The following PARP2 variants were observed in gnomAD, a reference collection of about 807,000 sequenced individuals.
The protein encoded by PARP2 is poly [ADP-ribose] polymerase 2.
PARP2 carries 57 observed loss-of-function variants against 77.8 expected under a neutral mutation model. The observed-to-expected ratio is 0.73, with a 90% CI of 0.59 to 0.91. The LOEUF (loss-of-function observed/expected upper bound fraction) is 0.91, where lower values mean the gene tolerates loss of function less well. Ranked by LOEUF, PARP2 falls within the 40% of genes least tolerant of loss-of-function variation. PARP2 has a pLI of 0.00. For missense variants in PARP2, 651 were observed against 689.0 expected (o/e 0.94, Z 0.62); for synonymous variants, 226 against 242.6 (o/e 0.93, Z 0.64).
chr14:20,346,372 G>A (rs368464741), intron 3 of PARP2, among the ~76,000 whole-genome samples: 1 of 135,508 alleles, frequency 7.4e-6, no homozygotes, highest in East Asian at 2.3e-4. Context: ...CGGTCACCCA[G>A]GCTGGAGTGC....
chr14:20,351,458 G>A (rs970685326), intron 6 of PARP2, among the ~76,000 whole-genome samples: 16 of 152,322 alleles, frequency 1.1e-4, no homozygotes, highest in African/African-American at 3.8e-4. Flanking sequence ...GATTACAGGC[G>A]TGAGCCACCG....
Position 20,346,920 on chromosome 14 carries a change from G to C in PARP2, c.324+7G>C, listed in dbSNP as rs1883745680. 1.3e-6 allele frequency: 2 copies of C among 1,574,606 alleles called. No homozygotes were observed. Among genetic ancestry groups the C allele is most frequent in the Middle Eastern group, 3.3e-4 (2 of 5,996 alleles). On this transcript the variant is annotated splice_region_variant and intron_variant, in intron 4 of 15. Transcript: ENST00000429687. ...TGATGTCATGCTAAATCAGGTAAGA[G>C]GCAAGAAGAGGTGGCACCATTATAT... is the stretch of plus-strand genomic sequence containing the variant.
chr14:20,347,356 G>GTGTGTGTATGTATATA (rs1168423656), intron 4 of PARP2, among the ~76,000 whole-genome samples: 3 of 29,560 alleles, frequency 1.0e-4, no homozygotes, highest in African/African-American at 1.6e-4. Context: ...ATGTGTGTGT[G>GTGTGTGTATGTATATA]TATATATATA....
At chr14:20,343,791 G>A in intron 1 of PARP2, 104 bp downstream of exon 1, 1 of 1,246,186 alleles carries the variant, frequency 8.0e-7, no homozygotes, top group East Asian at 2.4e-5. Context: ...CCTATAACCT[G>A]CACTTGGCTA....
intron 8 of PARP2, 148 bp from the exon 9 acceptor site, chr14:20,354,661 C>T (rs962856539): frequency 6.6e-6 from 5 of 755,456 alleles, no homozygotes; most frequent in South Asian, 1.8e-5. Flanking sequence ...TGCCACGGCA[C>T]TCAGCCTGGG....
At position 20,355,942 on chromosome 14, in the gene PARP2, C is replaced by A. The variant is rs1884130517; in HGVS notation, c.1012C>A (p.Leu338Ile). The change falls in exon 11 of 16, where the codon CTA becomes ATA. Residue 338 changes from leucine (L) to isoleucine (I), a missense_variant. Transcript: ENST00000429687. The part of the protein sequence containing the change: ...EIAIKLVKTE[L>I]QSPEHPLDQH... ...TGCTATTAAGCTGGTGAAAACAGAG[C>A]TACAAAGCCCAGAACACCCATTGGA... 6.2e-7 allele frequency: 1 copy of A among 1,614,100 alleles called. No homozygotes were observed. Among genetic ancestry groups the A allele is most frequent in the African/African-American group, 1.3e-5 (1 of 75,046 alleles).
In PARP2 at chr14:20,343,668, C is replaced by G; in HGVS notation, c.27C>G (p.Thr9=). 2 of 1,610,310 alleles carry G rather than the reference C, an allele frequency of 1.2e-6. No individual in the cohort carries two copies. The highest frequency in any genetic ancestry group is 1.7e-6 in the Non-Finnish European group (2 of 1,178,930). Residue 9 remains threonine (T), a synonymous_variant, in exon 1 of 16, where the codon ACC becomes ACG. Coordinates refer to ENST00000429687, the MANE Select transcript of PARP2 (RefSeq NM_001042618.2). ...TGGCGGCGCGGCGGCGACGGAGCAC[C>G]GGCGGCGGCAGGGCGAGAGGTTCGG... MAARRRRS[T]GGGRARALNE...
chr14:20,351,294 T>C (rs1243850931), intron 6 of PARP2, among the ~76,000 whole-genome samples, 172 bp downstream of exon 6: 2 of 152,186 alleles, frequency 1.3e-5, no homozygotes, highest in South Asian at 4.1e-4. Context: ...TTCTCCTGCC[T>C]CAGCCTCCCT....
At chr14:20,349,096 T>C (rs3093899) in intron 4 of PARP2, among the ~76,000 whole-genome samples, 2,138 of 152,234 alleles carry the variant, frequency 0.014, 28 homozygotes, top group Non-Finnish European at 0.022. Flanking sequence ...CCTAGCACTT[T>C]CGGAGGCCAA....
In PARP2 at chr14:20,354,886, C is replaced by G; in HGVS notation, c.841C>G (p.His281Asp). The G allele has an allele frequency of 6.2e-7, 1 of 1,613,934 alleles. No individual in the cohort carries two copies. The highest frequency in any genetic ancestry group is 8.5e-7 in the Non-Finnish European group (1 of 1,179,862). ...TGAGGATTGTATTCGGGCTGGCCAG[C>G]ATGGACGAGCTCTCATGGAAGCATG... ...KIEDCIRAGQ[H>D]GRALMEACNE... Residue 281 changes from histidine to aspartate, a missense_variant, in exon 9 of 16, where the codon CAT becomes GAT. Coordinates refer to ENST00000429687, the MANE Select transcript of PARP2 (RefSeq NM_001042618.2).
intron 7 of PARP2, 196 bp downstream of exon 7, chr14:20,352,543 C>A: frequency 3.5e-6 from 1 of 287,610 alleles, no homozygotes; most frequent in Non-Finnish European, 5.8e-6. Flanking sequence ...CCACTCTGCC[C>A]AGCTGATTTT....
intron 4 of PARP2, 24 bp downstream of exon 4, chr14:20,346,937 C>CAATG: frequency 6.7e-7 from 1 of 1,503,342 alleles, no homozygotes; most frequent in Non-Finnish European, 9.2e-7. Context: ...AGAGGTGGCA[C>CAATG]CATTATATTT....
chr14:20,343,771 C>A, intron 1 of PARP2, 84 bp downstream of exon 1: 2 of 1,422,378 alleles, frequency 1.4e-6, no homozygotes, highest in Non-Finnish European at 9.8e-7. Context: ...CCCCCTTCCC[C>A]TTCCAGCTCC....
At chr14:20,352,526 G>T in intron 7 of PARP2, 179 bp downstream of exon 7, 1 of 440,838 alleles carries the variant, frequency 2.3e-6, no homozygotes, top group South Asian at 5.2e-5. Flanking sequence ...GGAACTACAG[G>T]CACGTGCCAC....
rs1463060980 is a variant in PARP2, at chr14:20,355,903, G to A, written c.973G>A (p.Gly325Arg). Residue 325 changes from glycine to arginine, a missense_variant, in exon 11 of 16, where the codon GGA becomes AGA. Physicochemically the swap from Gly to Arg is moderately radical, Grantham distance 125. Coordinates refer to ENST00000429687, the MANE Select transcript of PARP2 (RefSeq NM_001042618.2). ...CTATATCTCATCTTCTCAGGCTTTG[G>A]GAGACATTGAAATTGCTATTAAGCT... The part of the protein sequence containing the change: ...SEKIQLLEAL[G>R]DIEIAIKLVK... The A allele has an allele frequency of 1.2e-6, 2 of 1,614,034 alleles. No homozygotes were observed. The highest frequency in any genetic ancestry group is 1.7e-6 in the Non-Finnish European group (2 of 1,180,000).
rs775334022 is a variant in PARP2, at chr14:20,350,636, T to C, written c.421+14T>C. 9.7e-6 allele frequency: 15 copies of C among 1,542,644 alleles called. No individual in the cohort carries two copies. In the African/African-American group the frequency reaches 1.1e-4, roughly 11 times the overall value. ...GATGGGGCCGAGGTAATGATTTTTA[T>C]TGAGATTTTATGAGTTGGCATTCAG... is the stretch of plus-strand genomic sequence containing the variant. On this transcript the variant is annotated intron_variant, in intron 5 of 15. Transcript: ENST00000429687.
At position 20,352,119 on chromosome 14, in the gene PARP2, T is replaced by C. The variant is rs1378268939; in HGVS notation, c.498-126T>C. On this transcript the variant is annotated intron_variant, in intron 6 of 15. Transcript: ENST00000429687. ...TTAGAATTAGACTAATTTTGATTTATGGAAAGTTGATGTGTAAAGGAGCTC... is the reference window on the plus strand; with the variant it reads ...TTAGAATTAGACTAATTTTGATTTACGGAAAGTTGATGTGTAAAGGAGCTC... 4 of 514,666 alleles carry C rather than the reference T, an allele frequency of 7.8e-6. No homozygotes were observed. The Admixed American group carries it at 1.0e-4, about 13-fold the overall frequency. The allele number at this position is 514,666 out of a possible 1,614,324, so 31.9% of individuals were successfully genotyped here. A position where few individuals can be genotyped will look rare whatever the true frequency, so the allele number is the denominator to read the frequency against.
intron 7 of PARP2, among the ~76,000 whole-genome samples, chr14:20,353,579 T>C (rs147339773): frequency 4.2e-4 from 64 of 152,292 alleles, no homozygotes; most frequent in African/African-American, 1.5e-3. Flanking sequence ...AGAGGAGTGA[T>C]AAAAAATCAA....
intron 3 of PARP2, 32 bp from the exon 4 acceptor site, chr14:20,346,831 A>C: frequency 6.9e-7 from 1 of 1,454,070 alleles, no homozygotes; most frequent in African/African-American, 1.4e-5. Flanking sequence ...AACCTATACT[A>C]ATGTTGATTT....
Sources: allele counts gnomAD v4.1 joint callset (sites outside exome capture counted in the v4.1 genomes callset), GRCh38; gene constraint gnomAD v4.1.1; transcripts MANE v1.5; gene names NCBI Gene and HGNC (gene_info 2026-07-23, HGNC 2026-07-21).